Variants in QDPR observed in about 807,000 individuals in gnomAD.
QDPR encodes dihydropteridine reductase.
In QDPR, 23 loss-of-function variants were observed where a neutral mutation model predicts 31.7. That is an observed-to-expected ratio of 0.73 (90% confidence interval 0.52 to 1.03). The LOEUF (loss-of-function observed/expected upper bound fraction) is 1.03, where lower values mean the gene tolerates loss of function less well. Among genes scored for constraint, QDPR ranks in the 50% least tolerant of loss-of-function variants. The pLI is 0.00. For missense variants in QDPR, 324 were observed against 323.8 expected (o/e 1.00, Z 0.00); for synonymous variants, 124 against 124.7 (o/e 0.99, Z 0.03).
chr4:17,491,409 C>G (rs1286843370), intron 5 of QDPR, among the ~76,000 whole-genome samples: 10 of 152,192 alleles, frequency 6.6e-5, no homozygotes, highest in African/African-American at 9.7e-5. Flanking sequence ...AAGAGGCAAG[C>G]CTGCTGGTGC....
intron 3 of QDPR, among the ~76,000 whole-genome samples, chr4:17,503,688 G>A (rs562940611): frequency 2.9e-4 from 44 of 152,286 alleles, no homozygotes; most frequent in Non-Finnish European, 5.4e-4. Context: ...ACTGGCTCAC[G>A]CCCGTAACCC....
At chr4:17,502,864 T>C (rs1308300846) in intron 3 of QDPR, among the ~76,000 whole-genome samples, 1 of 152,100 alleles carries the variant, frequency 6.6e-6, no homozygotes, top group Non-Finnish European at 1.5e-5. Context: ...ATACCACACA[T>C]CCCACAGATG....
Position 17,504,420 on chromosome 4 carries a change from C to G in QDPR, c.254G>C (p.Cys85Ser), listed in dbSNP as rs780276842. The change falls in exon 3 of 7, where the codon TGC (cysteine) becomes TCC (serine). Residue 85 changes from cysteine (C) to serine (S), a missense_variant. Transcript: ENST00000281243. ...LGEEKVDAIL[C>S]VAGGWAGGNA... Reference sequence around the variant, plus strand: ...GCCCCCGGCCCATCCTCCAGCAACGCAAAGAATTGCATCCACCTTCTCTTC... The same window carrying G: ...GCCCCCGGCCCATCCTCCAGCAACGGAAAGAATTGCATCCACCTTCTCTTC... 1 of 1,614,090 alleles carries G rather than the reference C, an allele frequency of 6.2e-7. No homozygotes were observed. The highest frequency in any genetic ancestry group is 1.3e-5 in the African/African-American group (1 of 74,922).
intron 6 of QDPR, among the ~76,000 whole-genome samples, 185 bp from the exon 7 acceptor site, chr4:17,487,421 G>T (rs961791846): frequency 6.6e-6 from 1 of 151,906 alleles, no homozygotes; most frequent in Non-Finnish European, 1.5e-5. Context: ...AGGCCGAGGC[G>T]GGCAGATCGC....
intron 4 of QDPR, chr4:17,492,586 C>G: frequency 1.8e-6 from 1 of 557,664 alleles, no homozygotes; most frequent in Non-Finnish European, 3.2e-6. Flanking sequence ...AACACACAGG[C>G]TTCACACAGG....
Position 17,486,857 on chromosome 4 carries a change from A to G in QDPR, c.*274T>C. 3 of 470,396 alleles carry G rather than the reference A, an allele frequency of 6.4e-6. No homozygotes were observed. Among genetic ancestry groups the G allele is most frequent in the Non-Finnish European group, 1.2e-5 (3 of 258,408 alleles). The allele number at this position is 470,396 out of a possible 1,614,324, so 29.1% of individuals were successfully genotyped here. Reference sequence around the variant, plus strand: ...ACAGTCACAAAAGCGATCCAACATGACACCGCTATAGCAGGTGCTATGCAG... The same window carrying G: ...ACAGTCACAAAAGCGATCCAACATGGCACCGCTATAGCAGGTGCTATGCAG... On this transcript the variant is annotated 3_prime_UTR_variant, in exon 7 of 7. Transcript: ENST00000281243.
intron 3 of QDPR, among the ~76,000 whole-genome samples, chr4:17,502,460 G>T (rs899715567): frequency 6.6e-6 from 1 of 152,126 alleles, no homozygotes; most frequent in Non-Finnish European, 1.5e-5. Context: ...GTGGTACCTG[G>T]TGATCAAAAA....
rs1718573294 is a variant in QDPR at position 17,501,818 on chromosome 4, A to G, written c.337T>C (p.Trp113Arg). 1 of 1,614,216 alleles carries G rather than the reference A, an allele frequency of 6.2e-7. No homozygotes were observed. Among genetic ancestry groups the G allele is most frequent in the East Asian group, 2.2e-5 (1 of 44,882 alleles). ...AGATGGCTGGAGATGGTCGATGTCC[A>G]TATGCTCTGCTTCCACATCAGGTCA... Reference protein sequence around the residue: ...NCDLMWKQSIWTSTISSHLAT... With the variant: ...NCDLMWKQSIRTSTISSHLAT... Residue 113 changes from tryptophan (W) to arginine (R), a missense_variant, in exon 4 of 7, where the codon TGG becomes CGG. By Grantham distance (101) the Trp-to-Arg change is moderately radical. Coordinates refer to ENST00000281243, the MANE Select transcript of QDPR (RefSeq NM_000320.3).
chr4:17,489,436 A>C (rs774544716), intron 6 of QDPR, among the ~76,000 whole-genome samples: 2 of 152,162 alleles, frequency 1.3e-5, no homozygotes, highest in African/African-American at 4.8e-5. Flanking sequence ...ACACAATTCA[A>C]AGCTTGATTT....
intron 1 of QDPR, 31 bp downstream of exon 1, chr4:17,511,919 G>A (rs1207381528): frequency 6.2e-7 from 1 of 1,600,864 alleles, no homozygotes; most frequent in Non-Finnish European, 8.5e-7. Flanking sequence ...CACCCCCGCG[G>A]AGACCCAGCA....
rs1194462914 is a variant in QDPR at position 17,488,350 on chromosome 4, T to C, written c.630-1114A>G. 3.9e-5 allele frequency among the ~76,000 whole-genome samples: 6 copies of C among 152,310 alleles called. No individual in the cohort carries two copies. The South Asian group carries it at 1.2e-3, about 32-fold the overall frequency. On this transcript the variant is annotated intron_variant, in intron 6 of 6. Coordinates refer to ENST00000281243, the MANE Select transcript of QDPR (RefSeq NM_000320.3). ...AATACTTTGCTATATTACCTTCTCATAAATTTATGAGAGAAACAGATGCAA... is the reference window on the plus strand; with the variant it reads ...AATACTTTGCTATATTACCTTCTCACAAATTTATGAGAGAAACAGATGCAA...
At chr4:17,494,748 T>C (rs1196965444) in intron 4 of QDPR, among the ~76,000 whole-genome samples, 2 of 152,020 alleles carry the variant, frequency 1.3e-5, no homozygotes, top group Admixed American at 6.6e-5. Flanking sequence ...CAATAAGGAA[T>C]TGCAAAAAGG....
rs1301552147 is a variant in QDPR at position 17,509,816 on chromosome 4, C to T, written c.106-453G>A. On this transcript the variant is annotated intron_variant, in intron 1 of 6. Transcript: ENST00000281243. ...ACCCTATATTGGGCTCCATCCCAGGCCCTCCTACCTCCAAACACTCTACTC... is the reference window on the plus strand; with the variant it reads ...ACCCTATATTGGGCTCCATCCCAGGTCCTCCTACCTCCAAACACTCTACTC... The T allele has an allele frequency of 4.8e-5, 18 of 371,480 alleles. No homozygotes were observed. The East Asian group carries it at 1.3e-3, about 26-fold the overall frequency. The allele number at this position is 371,480 out of a possible 1,614,324, so 23.0% of individuals were successfully genotyped here.
chr4:17,498,149 G>C (rs1360501568), intron 4 of QDPR, among the ~76,000 whole-genome samples: 2 of 152,118 alleles, frequency 1.3e-5, no homozygotes, highest in Non-Finnish European at 2.9e-5. Context: ...AGGTCATCAG[G>C]CTCCCTAAAA....
intron 4 of QDPR, 69 bp downstream of exon 4, chr4:17,501,650 A>G (rs900014530): frequency 2.1e-4 from 326 of 1,585,076 alleles, no homozygotes; most frequent in Admixed American, 3.6e-4. Flanking sequence ...TCATCCCATG[A>G]AAGTGCCCAG....
chr4:17,510,708 G>A (rs185563191), intron 1 of QDPR, among the ~76,000 whole-genome samples: 4 of 152,246 alleles, frequency 2.6e-5, no homozygotes, highest in Admixed American at 2.0e-4. Context: ...AACACATGAC[G>A]CTAACAGGAT....
At chr4:17,503,596 G>A (rs1718646483) in intron 3 of QDPR, among the ~76,000 whole-genome samples, 1 of 152,028 alleles carries the variant, frequency 6.6e-6, no homozygotes, top group Admixed American at 6.5e-5. Flanking sequence ...AGCATATAAG[G>A]GTGTTCATTG....
chr4:17,510,762 C>T (rs1718977547), intron 1 of QDPR, among the ~76,000 whole-genome samples: 1 of 152,188 alleles, frequency 6.6e-6, no homozygotes, highest in Admixed American at 6.5e-5. Context: ...TCTATGGGAA[C>T]TCTGGTACTG....
chr4:17,492,431 A>G lies in QDPR; in HGVS notation c.437-91T>C, dbSNP rs2597772. 1 allele frequency: 1,031,091 copies of G among 1,034,666 alleles called. 513,826 individuals carry two copies. The highest frequency in any genetic ancestry group is 1 in the Non-Finnish European group (677,824 of 677,856). 64.1% of individuals were successfully genotyped at this position (1,034,666 alleles called of 1,614,324 possible). A position where few individuals can be genotyped will look rare whatever the true frequency, so the allele number is the denominator to read the frequency against. ...TCTTCTCTTGAGATCTCTATTCCCT[A>G]AAAACTTTATAAATAGCTGCATCTG... On this transcript the variant is annotated intron_variant, in intron 4 of 6. Transcript: ENST00000281243.
Sources: allele counts gnomAD v4.1 joint callset (sites outside exome capture counted in the v4.1 genomes callset), GRCh38; gene constraint gnomAD v4.1.1; transcripts MANE v1.5; gene names NCBI Gene and HGNC (gene_info 2026-07-23, HGNC 2026-07-21).